ZBTB40: variants seen among roughly 807,000 people sequenced by gnomAD.
ZBTB40 encodes zinc finger and BTB domain containing 40.
Under a neutral mutation model 117.5 loss-of-function variants are expected in ZBTB40, and 60 were observed. The ratio of observed to expected loss-of-function variants is 0.51; its 90% CI spans 0.41 to 0.63. ZBTB40 has a LOEUF of 0.63. ZBTB40 is among the 30% of genes least tolerant of loss of function. The pLI, the probability that ZBTB40 is intolerant of heterozygous loss-of-function variation, is 0.00. For missense variants in ZBTB40, 1,287 were observed against 1,498.5 expected, an observed-to-expected ratio of 0.86 and a Z score of 2.33; for synonymous variants, 525 against 577.1, an observed-to-expected ratio of 0.91 and a Z score of 1.29.
intron 1 of ZBTB40, among the ~76,000 whole-genome samples, chr1:22,470,603 G>T (rs1184096324): frequency 6.6e-6 from 1 of 152,224 alleles, no homozygotes; most frequent in Non-Finnish European, 1.5e-5. Flanking sequence ...GGGCCAGTAG[G>T]AGGGTACTCT....
chr1:22,447,442 G>T (rs1191293833), upstream of ZBTB40, among the ~76,000 whole-genome samples: 1 of 152,170 alleles, frequency 6.6e-6, no homozygotes, highest in East Asian at 1.9e-4. Context: ...CAATTCCCAG[G>T]TGTCTGACCT....
intron 3 of ZBTB40, among the ~76,000 whole-genome samples, chr1:22,497,785 G>GT (rs1399395880): frequency 1.3e-5 from 2 of 152,180 alleles, no homozygotes; most frequent in African/African-American, 4.8e-5. Context: ...TACTAGACCT[G>GT]TGACCTTAAG....
At chr1:22,493,056 A>T (rs1638675104) in intron 3 of ZBTB40, among the ~76,000 whole-genome samples, 1 of 152,166 alleles carries the variant, frequency 6.6e-6, no homozygotes, top group Admixed American at 6.5e-5. Context: ...ACTGTGTCTT[A>T]TGCATTTTTT....
At chr1:22,510,414 A>C (rs138451014) in intron 9 of ZBTB40, among the ~76,000 whole-genome samples, 2 of 152,340 alleles carry the variant, frequency 1.3e-5, no homozygotes, top group Admixed American at 6.5e-5. Flanking sequence ...GCAGTTGATC[A>C]GTTTTAGCCT....
In ZBTB40 at chr1:22,513,036, C is replaced by T. The variant is rs774847251; in HGVS notation, c.2574C>T (p.His858=). ...NSTLKNHLRL[H]TGDRPFMCKH... ...CCCTGAAGAACCACCTTCGCCTTCA[C>T]ACCGGGGACCGCCCGTTCATGTGCA... Residue 858 remains histidine, a synonymous_variant, in exon 12 of 18, where the codon CAC becomes CAT. Coordinates refer to ENST00000375647, the MANE Select transcript of ZBTB40 (RefSeq NM_014870.4). This position sits in a 1 kb window ranked among gnomAD's most constrained non-coding sequence, Gnocchi z 4.9. 2 of 1,614,210 alleles carry T rather than the reference C, an allele frequency of 1.2e-6. No individual in the cohort carries two copies. The highest frequency in any genetic ancestry group is 2.2e-5 in the East Asian group (1 of 44,882).
chr1:22,519,797 G>A (rs1639471748), intron 13 of ZBTB40: 1 of 524,260 alleles, frequency 1.9e-6, no homozygotes, highest in East Asian at 3.4e-5. Context: ...TGTAAAATGA[G>A]GAATGGAGAT....
chr1:22,490,739 A>G (rs1200521068), intron 2 of ZBTB40, 94 bp downstream of exon 2: 1 of 1,496,120 alleles, frequency 6.7e-7, no homozygotes, highest in Non-Finnish European at 9.0e-7. Context: ...GACCACTGTT[A>G]GGTAGAAAAC....
intron 1 of ZBTB40, among the ~76,000 whole-genome samples, chr1:22,445,113 T>C (rs932760532): frequency 4.6e-5 from 7 of 152,228 alleles, no homozygotes; most frequent in African/African-American, 1.7e-4. Context: ...GCTAAAATAC[T>C]TGCCCAACAT....
chr1:22,514,631 C>T (rs1398134018), intron 12 of ZBTB40, among the ~76,000 whole-genome samples: 1 of 152,170 alleles, frequency 6.6e-6, no homozygotes, highest in Non-Finnish European at 1.5e-5. Flanking sequence ...TCTGTGAGTC[C>T]CTTCCTGGGC....
intron 3 of ZBTB40, among the ~76,000 whole-genome samples, chr1:22,493,052 T>C (rs539655173): frequency 1.7e-4 from 26 of 152,322 alleles, no homozygotes; most frequent in African/African-American, 6.0e-4. Context: ...TTGAACTGTG[T>C]CTTATGCATT....
At chr1:22,505,126 C>T (rs773283820) in intron 5 of ZBTB40, among the ~76,000 whole-genome samples, 1 of 152,098 alleles carries the variant, frequency 6.6e-6, no homozygotes, top group Non-Finnish European at 1.5e-5. Context: ...TTGATAATGG[C>T]AGCCTCTGGC....
intron 3 of ZBTB40, 96 bp downstream of exon 3, chr1:22,491,629 A>C: frequency 7.8e-6 from 11 of 1,406,118 alleles, no homozygotes; most frequent in Non-Finnish European, 1.1e-5. Flanking sequence ...CCAGGGTTTC[A>C]ATGTTTTGAA....
Position 22,530,171 on chromosome 1 carries a change from G to A in ZBTB40, c.*3775G>A, listed in dbSNP as rs528744531. Reference sequence around the variant, plus strand: ...TTATTAAATTGGGCCTAGGCAGTTGGACGATAATGGAGAAAAAGCAGGGAT... The same window carrying A: ...TTATTAAATTGGGCCTAGGCAGTTGAACGATAATGGAGAAAAAGCAGGGAT... On this transcript the variant is annotated 3_prime_UTR_variant, in exon 18 of 18. Transcript: ENST00000375647. 6 of 152,482 alleles carry A rather than the reference G, an allele frequency of 3.9e-5. No individual in the cohort carries two copies. The East Asian group carries it at 9.5e-4, about 24-fold the overall frequency. 9.4% of individuals were successfully genotyped at this position (152,482 alleles called of 1,614,324 possible). A position where few individuals can be genotyped will look rare whatever the true frequency, so the allele number is the denominator to read the frequency against.
intron 17 of ZBTB40, among the ~76,000 whole-genome samples, chr1:22,525,535 A>T (rs1639653136): frequency 6.6e-6 from 1 of 152,180 alleles, no homozygotes; most frequent in Admixed American, 6.5e-5. Flanking sequence ...CTTAGGCGGG[A>T]ATTGGATATG....
At position 22,502,280 on chromosome 1, in the gene ZBTB40, C is replaced by G. The variant is rs774870550; in HGVS notation, c.1025-19C>G. 4 of 1,611,258 alleles carry G rather than the reference C, an allele frequency of 2.5e-6. No homozygotes were observed. Among genetic ancestry groups the G allele is most frequent in the Non-Finnish European group, 2.5e-6 (3 of 1,178,642 alleles). ...ATTGACTAGCTTCTCTTGTGTGTCT[C>G]TAACTCTTTCTCCCCCAGGGAGCAC... On this transcript the variant is annotated intron_variant, in intron 4 of 17. Coordinates refer to ENST00000375647, the MANE Select transcript of ZBTB40 (RefSeq NM_014870.4).
chr1:22,502,930 T>A (rs1267006), intron 5 of ZBTB40, among the ~76,000 whole-genome samples: 109,637 of 152,000 alleles, frequency 0.72, 40,794 homozygotes, highest in East Asian at 0.9. Flanking sequence ...TTCAGATTTC[T>A]CCACTCAGAG....
At chr1:22,458,301 A>G (rs940608772) in intron 1 of ZBTB40, among the ~76,000 whole-genome samples, 1 of 152,112 alleles carries the variant, frequency 6.6e-6, no homozygotes, top group African/African-American at 2.4e-5. Context: ...TGCCCTTAGG[A>G]TGGTCCAGCA....
intron 10 of ZBTB40, 134 bp downstream of exon 10, chr1:22,511,481 TAAA>T: frequency 7.4e-7 from 1 of 1,350,942 alleles, no homozygotes; most frequent in Non-Finnish European, 1.0e-6. Flanking sequence ...TCTGAATACC[TAAA>T]AAAGTCATGA....
chr1:22,449,811 T>A (rs755575478), upstream of ZBTB40, among the ~76,000 whole-genome samples: 20 of 152,224 alleles, frequency 1.3e-4, no homozygotes, highest in Non-Finnish European at 2.1e-4. Flanking sequence ...TCTTGTTAAG[T>A]GGAACAGGAG....
Sources: gnomAD v4.1 joint callset for allele counts (sites outside exome capture counted in the v4.1 genomes callset) on GRCh38, gnomAD v4.1.1 for gene constraint, Gnocchi (gnomAD v3.1) non-coding constraint, MANE v1.5 for transcripts, NCBI Gene and HGNC (gene_info 2026-07-23, HGNC 2026-07-21) for gene names.